Variants in PATE2 observed in about 807,000 individuals in gnomAD.
PATE2 encodes prostate and testis expressed 2, also known as prostate and testis expressed protein 2.
In PATE2, 7 loss-of-function variants were observed where a neutral mutation model predicts 10.5. The ratio of observed to expected loss-of-function variants is 0.66; its 90% CI spans 0.38 to 1.25. PATE2 has a LOEUF of 1.25. Ranked by LOEUF, PATE2 falls within the 50% of genes most tolerant of loss-of-function variation. The probability of loss-of-function intolerance (pLI) is 0.02; values close to 1 mark genes in which losing one functional copy is unlikely to be tolerated. For missense variants in PATE2, 133 were observed against 135.4 expected (o/e 0.98, Z 0.09); for synonymous variants, 44 against 46.9 (o/e 0.94, Z 0.25).
rs890366579 is a variant in PATE2, at chr11:125,777,640, G to A, written c.206-122C>T. The A allele has an allele frequency of 3.0e-6, 4 of 1,320,734 alleles. No homozygotes were observed. In the African/African-American group the frequency reaches 5.9e-5, roughly 19 times the overall value. 81.8% of individuals were successfully genotyped at this position (1,320,734 alleles called of 1,614,324 possible). A position where few individuals can be genotyped will look rare whatever the true frequency, so the allele number is the denominator to read the frequency against. On this transcript the variant is annotated intron_variant, in intron 3 of 3. Coordinates refer to ENST00000358524, the MANE Select transcript of PATE2 (RefSeq NM_212555.3). Reference sequence around the variant, plus strand: ...TCTCTAGGCCCAAATGAGTTCCAAAGCTGAGTCTGTTAATTGCTGACCCAG... The same window carrying A: ...TCTCTAGGCCCAAATGAGTTCCAAAACTGAGTCTGTTAATTGCTGACCCAG...
chr11:125,777,584 A>G, intron 3 of PATE2, 66 bp from the exon 4 acceptor site: 1 of 1,592,010 alleles, frequency 6.3e-7, no homozygotes, highest in Non-Finnish European at 8.6e-7. Context: ...CGTTCCTAGG[A>G]GTAATCTGTT....
Position 125,777,054 on chromosome 11 carries a change from A to C in PATE2, c.*328T>G. Reference sequence around the variant, plus strand: ...TCACAGAATTCTCAGTACAAATTGGAGATTATTATGGCCCAAGTGTTCACA... The same window carrying C: ...TCACAGAATTCTCAGTACAAATTGGCGATTATTATGGCCCAAGTGTTCACA... On this transcript the variant is annotated 3_prime_UTR_variant, in exon 4 of 4. Coordinates refer to ENST00000358524, the MANE Select transcript of PATE2 (RefSeq NM_212555.3). The C allele has an allele frequency of 4.5e-6, 1 of 220,768 alleles. No homozygotes were observed. Among genetic ancestry groups the C allele is most frequent in the South Asian group, 9.7e-5 (1 of 10,284 alleles). The allele number at this position is 220,768 out of a possible 1,614,324, so 13.7% of individuals were successfully genotyped here.
At position 125,777,861 on chromosome 11, in the gene PATE2, T is replaced by C. The variant is rs748305660; in HGVS notation, c.205+13A>G. ...TGGTGGTGATTTTCCAGTCACTCTA[T>C]ACTCCACATTACCTTTCCTTGTAAG... On this transcript the variant is annotated intron_variant, in intron 3 of 3. Transcript: ENST00000358524. The C allele has an allele frequency of 4.3e-6, 7 of 1,612,556 alleles. No homozygotes were observed. In the South Asian group the frequency reaches 7.7e-5, roughly 18 times the overall value.
intron 3 of PATE2, 26 bp from the exon 4 acceptor site, chr11:125,777,544 T>G (rs1334208518): frequency 6.2e-7 from 1 of 1,612,698 alleles, no homozygotes; most frequent in African/African-American, 1.3e-5. Context: ...AGAGGAAATA[T>G]GATCATAATG....
At chr11:125,778,696 G>A (rs1373696675) in intron 1 of PATE2, 26 bp downstream of exon 1, 1 of 1,613,354 alleles carries the variant, frequency 6.2e-7, no homozygotes, top group Non-Finnish European at 8.5e-7. Context: ...CCAACCACCA[G>A]CTTCCCCTCT....
chr11:125,778,132 A>C, intron 2 of PATE2, 130 bp from the exon 3 acceptor site: 1 of 910,880 alleles, frequency 1.1e-6, no homozygotes, highest in Non-Finnish European at 1.7e-6. Flanking sequence ...GACTCTTGGT[A>C]ATCTTGAGAA....
In PATE2 at chr11:125,777,319, T is replaced by C. The variant is rs745477788; in HGVS notation, c.*63A>G. 5.7e-6 allele frequency: 9 copies of C among 1,571,416 alleles called. No individual in the cohort carries two copies. Among genetic ancestry groups the C allele is most frequent in the Non-Finnish European group, 7.8e-6 (9 of 1,148,464 alleles). ...TAGAAGAGGAGAGCAAAATTCAGGT[T>C]CAGGGAAGAGAAAAAGAGCGTAGTG... On this transcript the variant is annotated 3_prime_UTR_variant, in exon 4 of 4. Transcript: ENST00000358524.
At position 125,777,730 on chromosome 11, in the gene PATE2, G is replaced by C. The variant is rs1024655623; in HGVS notation, c.205+144C>G. 25 of 1,189,078 alleles carry C rather than the reference G, an allele frequency of 2.1e-5. No individual in the cohort carries two copies. The African/African-American group carries it at 3.1e-4, about 15-fold the overall frequency. The allele number at this position is 1,189,078 out of a possible 1,614,324, so 73.7% of individuals were successfully genotyped here. ...CTCTTTTTCACTCAATATGGTCTTAGGGAAAAGTCTGTCTTTGCCATCCCC... is the reference window on the plus strand; with the variant it reads ...CTCTTTTTCACTCAATATGGTCTTACGGAAAAGTCTGTCTTTGCCATCCCC... On this transcript the variant is annotated intron_variant, in intron 3 of 3. Transcript: ENST00000358524.
chr11:125,777,017 GATAGAGGA>G lies in PATE2; in HGVS notation c.*357_*364del. 1 of 198,108 alleles carries G rather than the reference GATAGAGGA, an allele frequency of 5.0e-6. No homozygotes were observed. Among genetic ancestry groups the G allele is most frequent in the South Asian group, 1.1e-4 (1 of 9,190 alleles). 12.3% of individuals were successfully genotyped at this position (198,108 alleles called of 1,614,324 possible). On this transcript the variant is annotated 3_prime_UTR_variant, in exon 4 of 4. Transcript: ENST00000358524. ...GGAGAGGAGTGTGTGTGTAGATGAG[GATAGAGGA>G]TAGTCACAGAATTCTCAGTACAAAT...
At chr11:125,777,612 C>T (rs761002600) in intron 3 of PATE2, 94 bp from the exon 4 acceptor site, 3 of 1,490,204 alleles carry the variant, frequency 2.0e-6, no homozygotes, top group Non-Finnish European at 1.8e-6. Flanking sequence ...CCTCACTAAC[C>T]TTTCTCTAGG....
In PATE2 at chr11:125,776,583, TG is replaced by T. The variant is rs1327799256; in HGVS notation, c.*798del. ...TATTATCTTCAACTACTACACCACC[TG>T]CCACATTATCAGCATTTTGTTTGCT... On this transcript the variant is annotated 3_prime_UTR_variant, in exon 4 of 4. Transcript: ENST00000358524. The T allele has an allele frequency of 1.3e-5, 2 of 152,178 alleles. No individual in the cohort carries two copies. The highest frequency in any genetic ancestry group is 2.9e-5 in the Non-Finnish European group (2 of 68,062). 9.4% of individuals were successfully genotyped at this position (152,178 alleles called of 1,614,324 possible). A position where few individuals can be genotyped will look rare whatever the true frequency, so the allele number is the denominator to read the frequency against.
rs558748119 is a variant in PATE2 at position 125,777,963 on chromosome 11, A to C, written c.116T>G (p.Leu39Arg). 2 of 1,613,264 alleles carry C rather than the reference A, an allele frequency of 1.2e-6. No homozygotes were observed. The highest frequency in any genetic ancestry group is 2.2e-5 in the South Asian group (2 of 91,066). Reference protein sequence around the residue: ...IMCYECKKYHLGLCYGVMTSC... With the variant: ...IMCYECKKYHRGLCYGVMTSC... ...TGTCATGACACCATAGCATAACCCA[A>C]GATGATATTTTTTACATTCATAACA... The change falls in exon 3 of 4, where the codon CTT (leucine) becomes CGT (arginine). Residue 39 changes from leucine (L) to arginine (R), a missense_variant. By Grantham distance (102) the Leu-to-Arg change is moderately radical. Coordinates refer to ENST00000358524, the MANE Select transcript of PATE2 (RefSeq NM_212555.3).
Position 125,777,025 on chromosome 11 carries a change from A to C in PATE2, c.*357T>G. The C allele has an allele frequency of 1.7e-5, 3 of 180,978 alleles. No homozygotes were observed. The highest frequency in any genetic ancestry group is 2.3e-5 in the African/African-American group (1 of 42,630). 11.2% of individuals were successfully genotyped at this position (180,978 alleles called of 1,614,324 possible). On this transcript the variant is annotated 3_prime_UTR_variant, in exon 4 of 4. Coordinates refer to ENST00000358524, the MANE Select transcript of PATE2 (RefSeq NM_212555.3). ...GTGTGTGTGTAGATGAGGATAGAGG[A>C]TAGTCACAGAATTCTCAGTACAAAT...
intron 2 of PATE2, among the ~76,000 whole-genome samples, 157 bp downstream of exon 2, chr11:125,778,395 A>C (rs1943507005): frequency 6.6e-6 from 1 of 152,092 alleles, no homozygotes; most frequent in Non-Finnish European, 1.5e-5. Context: ...TCCTTACTCT[A>C]AGAAATGGAC....
Position 125,777,500 on chromosome 11 carries a change from T to A in PATE2, c.224A>T (p.Tyr75Phe), listed in dbSNP as rs768815664. The change falls in exon 4 of 4, where the codon TAT becomes TTT. Residue 75 changes from tyrosine to phenylalanine, a missense_variant. Physicochemically the swap from Tyr to Phe is conservative, Grantham distance 22 (BLOSUM62 3). Coordinates refer to ENST00000358524, the MANE Select transcript of PATE2 (RefSeq NM_212555.3). Reference sequence around the variant, plus strand: ...GCTGGTCATACACGACAGTTTTGAATAATGATACATGCTCTGCCCTGAGGA... The same window carrying A: ...GCTGGTCATACACGACAGTTTTGAAAAATGATACATGCTCTGCCCTGAGGA... ...LTRKGQSMYH[Y>F]SKLSCMTSCE... is the part of the protein sequence containing the mutation. 1 of 1,613,726 alleles carries A rather than the reference T, an allele frequency of 6.2e-7. No individual in the cohort carries two copies. The highest frequency in any genetic ancestry group is 8.5e-7 in the Non-Finnish European group (1 of 1,179,760).
intron 2 of PATE2, 52 bp downstream of exon 2, chr11:125,778,500 C>T (rs536693184): frequency 4.3e-5 from 68 of 1,584,254 alleles, no homozygotes; most frequent in Middle Eastern, 1.7e-4. Context: ...TGCTCCTAAA[C>T]ATGTCACAAA....
rs575542006 is a variant in PATE2 at position 125,777,407 on chromosome 11, T to C, written c.317A>G (p.Tyr106Cys). 3.9e-5 allele frequency: 63 copies of C among 1,613,648 alleles called. 1 individual carries two copies. In the South Asian group the frequency reaches 6.8e-4, roughly 17 times the overall value. The change falls in exon 4 of 4, where the codon TAC (tyrosine) becomes TGC (cysteine). Residue 106 changes from tyrosine to cysteine, a missense_variant. Transcript: ENST00000358524. ...VELICCDHSNYCNLPEGV is the reference protein window; with the variant it reads ...VELICCDHSNCCNLPEGV ...CTAAACTCCCTCAGGGAGGTTGCAG[T>C]AGTTACTATGATCACAACAGATGAG...
At position 125,778,481 on chromosome 11, in the gene PATE2, G is replaced by A. The variant is rs995522603; in HGVS notation, c.76+71C>T. ...GATTACAGGCCTCTCTGAAGATGAA[G>A]GAAAGGTTTGCTCCTAAACATGTCA... On this transcript the variant is annotated intron_variant, in intron 2 of 3. Transcript: ENST00000358524. 5 of 1,514,562 alleles carry A rather than the reference G, an allele frequency of 3.3e-6. No individual in the cohort carries two copies. The African/African-American group carries it at 6.9e-5, about 21-fold the overall frequency. 93.8% of individuals were successfully genotyped at this position (1,514,562 alleles called of 1,614,324 possible). A position where few individuals can be genotyped will look rare whatever the true frequency, so the allele number is the denominator to read the frequency against.
Position 125,778,539 on chromosome 11 carries a change from G to A in PATE2, c.76+13C>T, listed in dbSNP as rs1018944249. 6.2e-7 allele frequency: 1 copy of A among 1,613,122 alleles called. No homozygotes were observed. Among genetic ancestry groups the A allele is most frequent in the Non-Finnish European group, 8.5e-7 (1 of 1,179,380 alleles). ...CCTGTTTACCAAGGACTTCAGAGAAGCCATGATTGTACCTTTTATAGGGTC... is the reference window on the plus strand; with the variant it reads ...CCTGTTTACCAAGGACTTCAGAGAAACCATGATTGTACCTTTTATAGGGTC... On this transcript the variant is annotated intron_variant, in intron 2 of 3. Transcript: ENST00000358524.
Sources: gnomAD v4.1 joint callset for allele counts (sites outside exome capture counted in the v4.1 genomes callset) on GRCh38, gnomAD v4.1.1 for gene constraint, MANE v1.5 for transcripts, NCBI Gene and HGNC (gene_info 2026-07-23, HGNC 2026-07-21) for gene names.